ASH1L: variants seen among roughly 807,000 people sequenced by gnomAD.
ASH1L encodes histone-lysine N-methyltransferase ASH1L.
A neutral mutation model predicts 269.0 loss-of-function variants in ASH1L; 23 were observed. The ratio of observed to expected loss-of-function variants is 0.09; its 90% confidence interval spans 0.06 to 0.12. The LOEUF is 0.12. Among genes scored for constraint, ASH1L ranks in the 10% least tolerant of loss-of-function variants. The pLI, the probability that ASH1L is intolerant of heterozygous loss-of-function variation, is 1.00. For synonymous variants in ASH1L, 1,187 were observed against 1,253.5 expected (o/e 0.95, Z 1.12); for missense variants, 2,912 against 3,567.8 (o/e 0.82, Z 4.68).
At chr1:155,384,699 T>C (rs1657273177) in intron 7 of ASH1L, among the ~76,000 whole-genome samples, 1 of 152,068 alleles carries the variant, frequency 6.6e-6, no homozygotes, top group African/African-American at 2.4e-5. Context: ...CAGCCTAAAA[T>C]TGTTTTGTTA....
chr1:155,533,984 A>C (rs1384320422), intron 1 of ASH1L, among the ~76,000 whole-genome samples: 1 of 151,964 alleles, frequency 6.6e-6, no homozygotes, highest in Non-Finnish European at 1.5e-5. Flanking sequence ...CGTCATGAGT[A>C]ACACAAACAT....
chr1:155,534,461 C>T (rs759751984), intron 1 of ASH1L, among the ~76,000 whole-genome samples: 21 of 151,216 alleles, frequency 1.4e-4, no homozygotes, highest in Non-Finnish European at 2.7e-4. Context: ...AAGACTTGAC[C>T]AAATGGTAAA....
upstream of ASH1L, chr1:155,563,021 G>A (rs1167013126): frequency 2.2e-6 from 1 of 458,576 alleles, no homozygotes; most frequent in South Asian, 1.5e-5. Context: ...GTCGGGGCTT[G>A]CCGTTTGACT....
chr1:155,516,073 T>C (rs963165139), intron 2 of ASH1L, among the ~76,000 whole-genome samples: 24 of 152,254 alleles, frequency 1.6e-4, no homozygotes, highest in African/African-American at 5.8e-4. Flanking sequence ...CTTCCTGCTA[T>C]AGTACCAGCA....
rs139732735 is a variant in ASH1L, at chr1:155,468,228, A to ATT, written c.4985-8332_4985-8331dup. Among the ~76,000 whole-genome samples, 277 of 127,284 alleles carry ATT rather than the reference A, an allele frequency of 2.2e-3. 6 individuals are homozygous for ATT. In the East Asian group the frequency reaches 0.055, roughly 25 times the overall value. The allele number at this position is 127,284 out of a possible 152,430, so 83.5% of individuals were successfully genotyped here. A position where few individuals can be genotyped will look rare whatever the true frequency, so the allele number is the denominator to read the frequency against. ...TTGTAGAATGCCCTTTATTATTATT[A>ATT]TTATTTTTTTTTTCTGCTTAGATTT... On this transcript the variant is annotated intron_variant, in intron 3 of 27. Transcript: ENST00000392403.
intron 6 of ASH1L, among the ~76,000 whole-genome samples, chr1:155,413,855 A>G (rs1387067380): frequency 6.6e-6 from 1 of 152,100 alleles, no homozygotes. Flanking sequence ...ATTAAAAAAA[A>G]TAGTTAAGTG....
In ASH1L at chr1:155,372,125, G is replaced by A. The variant is rs115602473; in HGVS notation, c.6333-1142C>T. 6.2e-3 allele frequency among the ~76,000 whole-genome samples: 928 copies of A among 150,634 alleles called. 10 individuals are homozygous for A. The highest frequency in any genetic ancestry group is 0.022 in the African/African-American group (903 of 40,966). On this transcript the variant is annotated intron_variant, in intron 10 of 27. Coordinates refer to ENST00000392403, the MANE Select transcript of ASH1L (RefSeq NM_018489.3). ...TTCAAGCAATTCTACTGCCTTATCT[G>A]GGATTACAGGCGCATACCACAACAC...
intron 10 of ASH1L, among the ~76,000 whole-genome samples, chr1:155,371,621 C>G (rs749257176): frequency 1.1e-4 from 17 of 151,402 alleles, no homozygotes; most frequent in Non-Finnish European, 2.4e-4. Context: ...GATGATTTCA[C>G]TGTACTCTTA....
At chr1:155,433,536 C>A in intron 5 of ASH1L, 1 of 1,610,526 alleles carries the variant, frequency 6.2e-7, no homozygotes, top group Non-Finnish European at 8.5e-7. Context: ...ACCGTCCCCC[C>A]TGGTGCCGTG....
intron 13 of ASH1L, among the ~76,000 whole-genome samples, 155 bp downstream of exon 13, chr1:155,360,146 T>C (rs1271839121): frequency 6.6e-6 from 1 of 152,134 alleles, no homozygotes; most frequent in Non-Finnish European, 1.5e-5. Context: ...CACATCAGCC[T>C]CACAAAGTGC....
At chr1:155,413,562 G>T (rs1412201761) in intron 6 of ASH1L, among the ~76,000 whole-genome samples, 1 of 152,142 alleles carries the variant, frequency 6.6e-6, no homozygotes, top group Non-Finnish European at 1.5e-5. Flanking sequence ...AGCCGAGATC[G>T]TGCCATTGCA....
At chr1:155,501,500 A>G (rs1667498754) in intron 2 of ASH1L, among the ~76,000 whole-genome samples, 1 of 152,096 alleles carries the variant, frequency 6.6e-6, no homozygotes, top group Non-Finnish European at 1.5e-5. Context: ...CCCTCCAAGT[A>G]GCTGGGACTA....
intron 7 of ASH1L, among the ~76,000 whole-genome samples, chr1:155,383,837 G>A (rs896744352): frequency 3.0e-4 from 45 of 152,082 alleles, no homozygotes; most frequent in African/African-American, 4.1e-4. Context: ...AAAAAGTTCC[G>A]GGGATGGATA....
chr1:155,462,856 G>A (rs1160834991), intron 3 of ASH1L, among the ~76,000 whole-genome samples: 1 of 152,082 alleles, frequency 6.6e-6, no homozygotes, highest in Non-Finnish European at 1.5e-5. Flanking sequence ...GATCTCTATC[G>A]CTTGGTAATC....
chr1:155,384,462 T>C (rs1657240911), intron 7 of ASH1L, among the ~76,000 whole-genome samples: 2 of 141,782 alleles, frequency 1.4e-5, no homozygotes, highest in Non-Finnish European at 3.0e-5. Context: ...TTCTCTGTCA[T>C]TGCTTTAAAA....
intron 25 of ASH1L, 93 bp from the exon 26 acceptor site, chr1:155,339,461 G>GC: frequency 9.1e-7 from 1 of 1,100,700 alleles, no homozygotes; most frequent in Non-Finnish European, 1.4e-6. Context: ...ACACAGTAGG[G>GC]CAGTAGACAA....
chr1:155,392,248 G>A (rs1001942685), intron 7 of ASH1L, among the ~76,000 whole-genome samples: 2 of 152,162 alleles, frequency 1.3e-5, no homozygotes, highest in African/African-American at 4.8e-5. Context: ...TCCTGCTGCT[G>A]TAGCTGTCCT....
intron 2 of ASH1L, among the ~76,000 whole-genome samples, chr1:155,509,594 T>A (rs1427654499): frequency 2.6e-5 from 4 of 151,694 alleles, no homozygotes; most frequent in African/African-American, 7.3e-5. Flanking sequence ...AGGTTAGGAG[T>A]TCGAGACCAG....
chr1:155,527,956 C>T (rs769962439), intron 1 of ASH1L, among the ~76,000 whole-genome samples: 2 of 151,916 alleles, frequency 1.3e-5, no homozygotes, highest in Admixed American at 6.6e-5. Flanking sequence ...GCAGGGTACC[C>T]GGACCTCTTC....
Sources: allele counts gnomAD v4.1 joint callset (sites outside exome capture counted in the v4.1 genomes callset), GRCh38; gene constraint gnomAD v4.1.1; transcripts MANE v1.5; gene names NCBI Gene and HGNC (gene_info 2026-07-23, HGNC 2026-07-21).